FXR1: variants seen among roughly 807,000 people sequenced by gnomAD.
The protein encoded by FXR1 is RNA-binding protein FXR1.
Under a neutral mutation model 84.0 loss-of-function variants are expected in FXR1, and 15 were observed. The ratio of observed to expected loss-of-function variants is 0.18; its 90% CI spans 0.12 to 0.27. The LOEUF (loss-of-function observed/expected upper bound fraction) is 0.27. Ranked by LOEUF, FXR1 falls within the 10% of genes least tolerant of loss-of-function variation. The pLI is 1.00. For synonymous variants in FXR1, 245 were observed against 250.7 expected, an observed-to-expected ratio of 0.98 and a Z score of 0.21; for missense variants, 480 against 774.4, an observed-to-expected ratio of 0.62 and a Z score of 4.51.
chr3:180,920,028 G>A (rs1228157636), intron 1 of FXR1, among the ~76,000 whole-genome samples: 3 of 152,100 alleles, frequency 2.0e-5, no homozygotes, highest in South Asian at 2.1e-4. Flanking sequence ...TATCTTCAGC[G>A]TTTTTTGCTG....
chr3:180,923,171 GTTGT>G (rs1334965284), intron 1 of FXR1, among the ~76,000 whole-genome samples: 1 of 152,142 alleles, frequency 6.6e-6, no homozygotes, highest in Non-Finnish European at 1.5e-5. Flanking sequence ...CTGTTTGAAA[GTTGT>G]TTTTCTTGCA....
In FXR1 at chr3:180,957,800, T is replaced by C; in HGVS notation, c.881-19T>C. The C allele has an allele frequency of 8.8e-7, 1 of 1,130,068 alleles. No individual in the cohort carries two copies. The highest frequency in any genetic ancestry group is 1.3e-6 in the Non-Finnish European group (1 of 752,884). The allele number at this position is 1,130,068 out of a possible 1,614,324, so 70.0% of individuals were successfully genotyped here. A position where few individuals can be genotyped will look rare whatever the true frequency, so the allele number is the denominator to read the frequency against. The stretch of plus-strand genomic sequence containing the variant: ...ATTGAGTTTTAGCTTACCATTGTAT[T>C]TGTTTTCTCTTACTAAAGGAAAAGT... On this transcript the variant is annotated intron_variant, in intron 9 of 16. Transcript: ENST00000357559.
intron 15 of FXR1, chr3:180,970,936 T>C (rs946118954): frequency 4.2e-6 from 1 of 240,146 alleles, no homozygotes; most frequent in Non-Finnish European, 8.6e-6. Flanking sequence ...GTATTTCCTG[T>C]CAGTAAACAT....
chr3:180,967,805 G>A (rs1479385143), intron 13 of FXR1, among the ~76,000 whole-genome samples: 1 of 151,716 alleles, frequency 6.6e-6, no homozygotes, highest in East Asian at 1.9e-4. Context: ...AGAAGTGAGC[G>A]GCCTTCTGCA....
rs368024256 is a variant in FXR1, at chr3:180,981,842, ATTTACCTGGCTTCTG to A, written c.*5566_*5580del. 7.2e-5 allele frequency: 11 copies of A among 152,140 alleles called. No homozygotes were observed. Among genetic ancestry groups the A allele is most frequent in the South Asian group, 4.1e-4 (2 of 4,824 alleles). 9.4% of individuals were successfully genotyped at this position (152,140 alleles called of 1,614,324 possible). The stretch of plus-strand genomic sequence containing the variant: ...AGAAAGCTGAAGCCTCGAGGCTCAG[ATTTACCTGGCTTCTG>A]TTTACCTGGCTTCTGCAGAAGTTTA... On this transcript the variant is annotated 3_prime_UTR_variant, in exon 17 of 17. Coordinates refer to ENST00000357559, the MANE Select transcript of FXR1 (RefSeq NM_005087.4).
At chr3:180,922,834 C>G (rs1402531881) in intron 1 of FXR1, among the ~76,000 whole-genome samples, 3 of 152,046 alleles carry the variant, frequency 2.0e-5, no homozygotes, top group Non-Finnish European at 4.4e-5. Context: ...GGCTGGCCTC[C>G]AACTCCTGGA....
intron 1 of FXR1, among the ~76,000 whole-genome samples, chr3:180,924,680 C>T (rs956930095): frequency 8.6e-5 from 13 of 151,874 alleles, no homozygotes; most frequent in Middle Eastern, 3.4e-3. Flanking sequence ...TTAGTAGAGA[C>T]GGGGTTTCAC....
chr3:180,950,058 A>G (rs1219950187), intron 7 of FXR1, among the ~76,000 whole-genome samples: 1 of 152,180 alleles, frequency 6.6e-6, no homozygotes, highest in African/African-American at 2.4e-5. Flanking sequence ...TGTGGCATGT[A>G]GTATTAAAAT....
rs887504133 is a variant in FXR1, at chr3:180,927,026, A to C, written c.52-6308A>C. 7.9e-5 allele frequency among the ~76,000 whole-genome samples: 12 copies of C among 152,192 alleles called. No individual in the cohort carries two copies. The East Asian group carries it at 2.1e-3, about 27-fold the overall frequency. On this transcript the variant is annotated intron_variant, in intron 1 of 16. Transcript: ENST00000357559. ...ATTTCAAACATTAAAATTTTCTTTC[A>C]GCTTGAATCCAGGTTTTGGACAAGA...
intron 15 of FXR1, chr3:180,971,252 T>TAA: frequency 6.5e-6 from 2 of 309,328 alleles, no homozygotes; most frequent in Non-Finnish European, 1.2e-5. Context: ...TGTACACATG[T>TAA]GTGCATATAC....
chr3:180,967,439 ATTAAT>A (rs1216561814), intron 13 of FXR1, among the ~76,000 whole-genome samples: 1 of 152,154 alleles, frequency 6.6e-6, no homozygotes, highest in Non-Finnish European at 1.5e-5. Context: ...TCTAAATATG[ATTAAT>A]TTACTCAAAT....
intron 1 of FXR1, among the ~76,000 whole-genome samples, chr3:180,928,639 G>T (rs1296773663): frequency 2.6e-5 from 4 of 151,916 alleles, no homozygotes; most frequent in African/African-American, 4.8e-5. Flanking sequence ...TATGTCTGTT[G>T]TTGAGGACAC....
chr3:180,973,317 G>T (rs1713819450), intron 15 of FXR1, among the ~76,000 whole-genome samples: 1 of 146,226 alleles, frequency 6.8e-6, no homozygotes, highest in Non-Finnish European at 1.5e-5. Context: ...TCTGTACACA[G>T]TGGATGAAAG....
At chr3:180,919,605 CA>C (rs1718329834) in intron 1 of FXR1, among the ~76,000 whole-genome samples, 1 of 149,658 alleles carries the variant, frequency 6.7e-6, no homozygotes, top group Non-Finnish European at 1.5e-5. Context: ...ACATTGATTA[CA>C]TGTTGGATAA....
At chr3:180,942,607 C>T (rs1576942067) in intron 3 of FXR1, among the ~76,000 whole-genome samples, 1 of 151,998 alleles carries the variant, frequency 6.6e-6, no homozygotes, top group African/African-American at 2.4e-5. Flanking sequence ...TCATCCTGTA[C>T]TCCATAAAAC....
At chr3:180,921,627 C>T (rs1718602716) in intron 1 of FXR1, among the ~76,000 whole-genome samples, 1 of 151,882 alleles carries the variant, frequency 6.6e-6, no homozygotes. Context: ...TGGTAAGCAT[C>T]TTATAAGTTT....
chr3:180,970,376 G>T lies in FXR1; in HGVS notation c.1603+18G>T. On this transcript the variant is annotated intron_variant, in intron 15 of 16. Coordinates refer to ENST00000357559, the MANE Select transcript of FXR1 (RefSeq NM_005087.4). ...TGGGCTAGGTATGTAAGCACTTAGG[G>T]AAGAGAAATATATATATATATATAT... 3.4e-6 allele frequency: 2 copies of T among 583,390 alleles called. No homozygotes were observed. The highest frequency in any genetic ancestry group is 3.5e-5 in the East Asian group (1 of 28,674). The allele number at this position is 583,390 out of a possible 1,614,324, so 36.1% of individuals were successfully genotyped here. A position where few individuals can be genotyped will look rare whatever the true frequency, so the allele number is the denominator to read the frequency against.
intron 3 of FXR1, among the ~76,000 whole-genome samples, chr3:180,945,280 T>G (rs191079393): frequency 6.6e-6 from 1 of 152,254 alleles, no homozygotes; most frequent in African/African-American, 2.4e-5. Flanking sequence ...TATTGAATAT[T>G]TTTGCATTTC....
intron 15 of FXR1, among the ~76,000 whole-genome samples, chr3:180,974,784 C>T (rs997735875): frequency 4.0e-5 from 6 of 151,828 alleles, no homozygotes; most frequent in African/African-American, 1.5e-4. Flanking sequence ...TAGTGTGAAA[C>T]GTTAAAACAA....
Sources: gnomAD v4.1 joint callset for allele counts (sites outside exome capture counted in the v4.1 genomes callset) on GRCh38, gnomAD v4.1.1 for gene constraint, MANE v1.5 for transcripts, NCBI Gene and HGNC (gene_info 2026-07-23, HGNC 2026-07-21) for gene names.